GALNT13: variants seen among roughly 807,000 people sequenced by gnomAD.
GALNT13 encodes the protein polypeptide N-acetylgalactosaminyltransferase 13.
A neutral mutation model predicts 64.2 loss-of-function variants in GALNT13; 28 were observed. That is an observed-to-expected ratio of 0.44 (90% CI 0.32 to 0.60). GALNT13 has a LOEUF of 0.60. GALNT13 is among the 20% of genes least tolerant of loss of function. GALNT13 has a pLI of 0.05. For synonymous variants in GALNT13, 214 were observed against 224.6 expected, an observed-to-expected ratio of 0.95 and a Z score of 0.42; for missense variants, 577 against 669.8, an observed-to-expected ratio of 0.86 and a Z score of 1.53.
At chr2:153,839,618 T>G in the GALNT13 span, among the ~76,000 whole-genome samples, 3 of 151,832 alleles carry the variant, frequency 2.0e-5, no homozygotes, top group African/African-American at 7.2e-5. Flanking sequence ...TTATGTAAAG[T>G]TTTTCACAAT....
chr2:153,223,760 G>A, the GALNT13 span, among the ~76,000 whole-genome samples: 2 of 151,822 alleles, frequency 1.3e-5, no homozygotes, highest in African/African-American at 2.4e-5. Flanking sequence ...GGAGTTTGAG[G>A]TCAACCTGGC....
chr2:153,208,716 G>A, the GALNT13 span, among the ~76,000 whole-genome samples: 1 of 152,062 alleles, frequency 6.6e-6, no homozygotes, highest in Non-Finnish European at 1.5e-5. Context: ...AACTTGATAG[G>A]TAATTATCAA....
At chr2:153,444,355 G>A in the GALNT13 span, among the ~76,000 whole-genome samples, 10 of 152,290 alleles carry the variant, frequency 6.6e-5, no homozygotes, top group South Asian at 2.1e-3. Flanking sequence ...TATTTTTTGA[G>A]TGAGTGAATG....
chr2:153,073,764 T>C, the GALNT13 span, among the ~76,000 whole-genome samples: 1 of 152,212 alleles, frequency 6.6e-6, no homozygotes, highest in Non-Finnish European at 1.5e-5. Context: ...ACATTTATTT[T>C]AAGGTTATTT....
the GALNT13 span, among the ~76,000 whole-genome samples, chr2:153,607,251 G>T: frequency 6.6e-6 from 1 of 152,002 alleles, no homozygotes; most frequent in African/African-American, 2.4e-5. Context: ...AGAGATGTAA[G>T]GGCAACTGCA....
the GALNT13 span, among the ~76,000 whole-genome samples, chr2:153,383,894 G>A: frequency 1.3e-5 from 2 of 152,084 alleles, no homozygotes; most frequent in African/African-American, 2.4e-5. Flanking sequence ...AAGAGCTACA[G>A]GATGTATTTT....
chr2:154,427,068 C>T (rs925845933), intron 11 of GALNT13, among the ~76,000 whole-genome samples: 25 of 152,228 alleles, frequency 1.6e-4, no homozygotes, highest in African/African-American at 6.0e-4. Context: ...GAATATTGCA[C>T]AGATAATCAC....
At chr2:154,386,237 C>CT (rs1698507615) in intron 9 of GALNT13, among the ~76,000 whole-genome samples, 2 of 151,782 alleles carry the variant, frequency 1.3e-5, no homozygotes, top group Non-Finnish European at 2.9e-5. Flanking sequence ...ATCTCCTCAA[C>CT]TGACTAAAAT....
At chr2:153,942,731 AT>A (rs1691426228) in intron 2 of GALNT13, among the ~76,000 whole-genome samples, 1 of 151,920 alleles carries the variant, frequency 6.6e-6, no homozygotes, top group South Asian at 2.1e-4. Context: ...TGTAAATGTA[AT>A]TTTTTTGTAA....
the GALNT13 span, among the ~76,000 whole-genome samples, chr2:153,553,381 A>T: frequency 1.3e-5 from 2 of 151,972 alleles, no homozygotes; most frequent in African/African-American, 2.4e-5. Context: ...CTGTGCCTGT[A>T]GTCCCAGCTA....
the GALNT13 span, among the ~76,000 whole-genome samples, chr2:153,780,234 T>TATGC: frequency 1.9e-4 from 2 of 10,568 alleles, no homozygotes; most frequent in African/African-American, 4.1e-4. Flanking sequence ...TATATATATA[T>TATGC]ATATATATAT....
the GALNT13 span, among the ~76,000 whole-genome samples, chr2:153,328,360 G>A: frequency 6.6e-6 from 1 of 152,178 alleles, no homozygotes; most frequent in Non-Finnish European, 1.5e-5. Flanking sequence ...TCTCTTCAGA[G>A]CCTGCAGGCA....
the GALNT13 span, among the ~76,000 whole-genome samples, chr2:153,747,555 G>A: frequency 1.3e-5 from 2 of 151,060 alleles, no homozygotes; most frequent in African/African-American, 4.9e-5. Flanking sequence ...AGACTCACTG[G>A]AAGCTGGGAT....
the GALNT13 span, among the ~76,000 whole-genome samples, chr2:153,532,551 G>A: frequency 6.6e-6 from 1 of 152,130 alleles, no homozygotes; most frequent in African/African-American, 2.4e-5. Flanking sequence ...GCAAATTTCT[G>A]CAGCATACTT....
the GALNT13 span, among the ~76,000 whole-genome samples, chr2:153,258,406 C>CG: frequency 1.6e-5 from 1 of 63,260 alleles, no homozygotes; most frequent in Non-Finnish European, 4.4e-5. Flanking sequence ...AAACAAAACC[C>CG]AACTTTTCAT....
intron 3 of GALNT13, among the ~76,000 whole-genome samples, chr2:154,056,448 A>G (rs1258257272): frequency 1.3e-5 from 2 of 152,186 alleles, no homozygotes; most frequent in Admixed American, 6.5e-5. Context: ...GATCAATTTA[A>G]ATGCCATGAT....
chr2:153,755,756 A>G, the GALNT13 span, among the ~76,000 whole-genome samples: 1 of 152,038 alleles, frequency 6.6e-6, no homozygotes, highest in Non-Finnish European at 1.5e-5. Context: ...CTTTAACTAG[A>G]CTACATTATT....
At chr2:153,260,025 T>C in the GALNT13 span, among the ~76,000 whole-genome samples, 1 of 152,176 alleles carries the variant, frequency 6.6e-6, no homozygotes, top group Non-Finnish European at 1.5e-5. Context: ...AACATATTCC[T>C]TCATTTTAAA....
the GALNT13 span, among the ~76,000 whole-genome samples, chr2:153,854,477 A>G: frequency 6.6e-6 from 1 of 151,994 alleles, no homozygotes; most frequent in South Asian, 2.1e-4. Context: ...GCTAGTAGGG[A>G]GGCTGAGGCA....
Sources: gnomAD v4.1 joint callset for allele counts (sites outside exome capture counted in the v4.1 genomes callset) on GRCh38, gnomAD v4.1.1 for gene constraint, MANE v1.5 for transcripts, NCBI Gene and HGNC (gene_info 2026-07-23, HGNC 2026-07-21) for gene names.